Variants in GREB1L observed in about 807,000 individuals in gnomAD.
The protein encoded by GREB1L is GREB1 like retinoic acid receptor coactivator, also known as GREB1-like protein.
A neutral mutation model predicts 200.8 loss-of-function variants in GREB1L; 17 were observed. The observed-to-expected ratio is 0.08, with a 90% CI of 0.06 to 0.13. The LOEUF is 0.13. Among genes scored for constraint, GREB1L ranks in the 10% least tolerant of loss-of-function variants. The probability of loss-of-function intolerance (pLI) is 1.00; values close to 1 mark genes in which losing one functional copy is unlikely to be tolerated. For synonymous variants in GREB1L, 789 were observed against 893.0 expected (o/e 0.88, Z 2.08); for missense variants, 1,657 against 2,367.7 (o/e 0.70, Z 6.23).
chr18:21,517,833 G>A (rs773011721), intron 30 of GREB1L, among the ~76,000 whole-genome samples: 1 of 152,164 alleles, frequency 6.6e-6, no homozygotes, highest in Non-Finnish European at 1.5e-5. Flanking sequence ...CTCGCTGTGT[G>A]TAACTTACAT....
At chr18:21,309,878 TG>T (rs2038763809) in intron 1 of GREB1L, among the ~76,000 whole-genome samples, 2 of 151,808 alleles carry the variant, frequency 1.3e-5, no homozygotes, top group African/African-American at 4.9e-5. Context: ...AAAAACATCC[TG>T]CAATGCACAA....
At chr18:21,410,658 G>T (rs1216497339) in intron 7 of GREB1L, among the ~76,000 whole-genome samples, 3 of 149,230 alleles carry the variant, frequency 2.0e-5, no homozygotes, top group African/African-American at 7.4e-5. Context: ...AAGACAAAGT[G>T]TTGATCATAA....
At chr18:21,302,607 T>TGAC (rs892838679) in intron 1 of GREB1L, among the ~76,000 whole-genome samples, 11 of 152,230 alleles carry the variant, frequency 7.2e-5, no homozygotes, top group Non-Finnish European at 1.3e-4. Context: ...GCGGCTTCCT[T>TGAC]AAAGCCTCAG....
rs1297805122 is a variant in GREB1L, at chr18:21,490,131, T to A, written c.2810T>A (p.Leu937His). ...CGCGACCACAGCACACCAGAAACAC[T>A]CAGCATTATGGATGACCTCATCAGC... ...SLRDHSTPET[L>H]SIMDDLISSP... Residue 937 changes from leucine to histidine, a missense_variant, in exon 19 of 33, where the codon CTC becomes CAC. By Grantham distance (99) the Leu-to-His change is moderately conservative. Around this residue, in one of 9 missense-constraint regions of GREB1L, gnomAD observed 82 missense variants for 95.9 expected, o/e 0.85. Coordinates refer to ENST00000424526, the MANE Select transcript of GREB1L (RefSeq NM_001142966.3). 1.3e-6 allele frequency: 2 copies of A among 1,551,454 alleles called. No individual in the cohort carries two copies. Among genetic ancestry groups the A allele is most frequent in the African/African-American group, 2.7e-5 (2 of 72,880 alleles).
chr18:21,456,423 A>C (rs1383917012), intron 15 of GREB1L, among the ~76,000 whole-genome samples: 1 of 152,240 alleles, frequency 6.6e-6, no homozygotes, highest in African/African-American at 2.4e-5. Flanking sequence ...GCGTGTATCA[A>C]ATTTTCTCAT....
chr18:21,403,743 TC>T, intron 6 of GREB1L, 128 bp from the exon 7 acceptor site: 1 of 665,286 alleles, frequency 1.5e-6, no homozygotes, highest in Non-Finnish European at 2.6e-6. Context: ...GGGAAGGTGA[TC>T]TCTAATTAAA....
intron 1 of GREB1L, among the ~76,000 whole-genome samples, chr18:21,315,673 A>AAAATATT (rs2038856207): frequency 1.3e-5 from 2 of 152,112 alleles, no homozygotes; most frequent in Admixed American, 1.3e-4. Flanking sequence ...GCCTACTAAT[A>AAAATATT]TATGTCTAAA....
chr18:21,354,079 G>A (rs755199365), intron 1 of GREB1L, among the ~76,000 whole-genome samples: 3 of 152,092 alleles, frequency 2.0e-5, no homozygotes, highest in Non-Finnish European at 4.4e-5. Context: ...GTGAGCCACT[G>A]TACCCAGCCT....
chr18:21,439,667 A>C (rs1226506154), intron 8 of GREB1L, 30 bp downstream of exon 8: 5 of 1,334,684 alleles, frequency 3.7e-6, no homozygotes, highest in Non-Finnish European at 5.3e-6. Flanking sequence ...GTTTTGTAAT[A>C]ATGCACTTAC....
chr18:21,251,182 GT>G (rs757123558), intron 1 of GREB1L, among the ~76,000 whole-genome samples: 2 of 152,022 alleles, frequency 1.3e-5, no homozygotes, highest in South Asian at 4.1e-4. Flanking sequence ...GAAAACTGTA[GT>G]TACTTCTTTT....
chr18:21,496,593 G>A lies in GREB1L; in HGVS notation c.3286G>A (p.Gly1096Arg), dbSNP rs374032016. The change falls in exon 21 of 33, where the codon GGG becomes AGG. Residue 1096 changes from glycine to arginine, a missense_variant. By Grantham distance (125) the Gly-to-Arg change is moderately radical. This residue lies in a region of GREB1L where 512 missense variants were observed against 668.3 expected (regional missense o/e 0.77). Coordinates refer to ENST00000424526, the MANE Select transcript of GREB1L (RefSeq NM_001142966.3). ...RGPTVALDLS[G>R]KEQERAAVSE... The stretch of plus-strand genomic sequence containing the variant: ...ACCCACTGTTGCCCTGGACCTCAGC[G>A]GGAAGGAGCAGGAGAGAGCTGCTGT... 216 of 1,551,714 alleles carry A rather than the reference G, an allele frequency of 1.4e-4. 1 individual carries two copies. The highest frequency in any genetic ancestry group is 1.1e-3 in the East Asian group (47 of 40,930).
At chr18:21,498,306 T>G (rs1376013013) in intron 21 of GREB1L, among the ~76,000 whole-genome samples, 1 of 152,134 alleles carries the variant, frequency 6.6e-6, no homozygotes, top group African/African-American at 2.4e-5. Context: ...ATAGTGACCC[T>G]CAGCCTGGAG....
At chr18:21,246,717 A>G (rs1235214978) in intron 1 of GREB1L, among the ~76,000 whole-genome samples, 3 of 152,194 alleles carry the variant, frequency 2.0e-5, no homozygotes, top group African/African-American at 7.2e-5. Flanking sequence ...GGTAATATTT[A>G]TTAGCTATTA....
chr18:21,330,815 C>T (rs534422299), intron 1 of GREB1L, among the ~76,000 whole-genome samples: 24 of 152,098 alleles, frequency 1.6e-4, no homozygotes, highest in African/African-American at 5.5e-4. Context: ...ATAACATATG[C>T]CATCCCAACT....
At chr18:21,307,191 C>G (rs1267659526) in intron 1 of GREB1L, among the ~76,000 whole-genome samples, 1 of 152,194 alleles carries the variant, frequency 6.6e-6, no homozygotes, top group African/African-American at 2.4e-5. Context: ...TTCCCCTGTT[C>G]CAATGGCAAG....
intron 24 of GREB1L, 29 bp from the exon 25 acceptor site, chr18:21,505,780 TG>T: frequency 6.5e-7 from 1 of 1,542,436 alleles, no homozygotes; most frequent in Non-Finnish European, 8.8e-7. Context: ...TGTTATCTCA[TG>T]GGATGGCTTT....
At chr18:21,506,259 G>A (rs2037015044) in intron 25 of GREB1L, among the ~76,000 whole-genome samples, 1 of 152,100 alleles carries the variant, frequency 6.6e-6, no homozygotes, top group African/African-American at 2.4e-5. Flanking sequence ...GCCGGGTGTG[G>A]TGGCACATGC....
rs1256581305 is a variant in GREB1L, at chr18:21,439,473, G to T, written c.833-48G>T. ...TGGTTCCAGCATCCCAGAAAGCAGT[G>T]CCCCGCCCAGCCTCTGTTCTGAGCA... On this transcript the variant is annotated intron_variant, in intron 7 of 32. Coordinates refer to ENST00000424526, the MANE Select transcript of GREB1L (RefSeq NM_001142966.3). The T allele has an allele frequency of 3.5e-6, 4 of 1,138,230 alleles. No homozygotes were observed. In the East Asian group the frequency reaches 1.0e-4, roughly 29 times the overall value. The allele number at this position is 1,138,230 out of a possible 1,614,324, so 70.5% of individuals were successfully genotyped here. A position where few individuals can be genotyped will look rare whatever the true frequency, so the allele number is the denominator to read the frequency against.
intron 2 of GREB1L, among the ~76,000 whole-genome samples, chr18:21,381,909 G>A (rs1234205376): frequency 6.6e-6 from 1 of 152,204 alleles, no homozygotes; most frequent in African/African-American, 2.4e-5. Context: ...ACAAGATCGA[G>A]AGTAAAAGTC....
Sources: gnomAD v4.1 joint callset for allele counts (sites outside exome capture counted in the v4.1 genomes callset) on GRCh38, gnomAD v4.1.1 for gene constraint, gnomAD v4.1.1 regional missense constraint, MANE v1.5 for transcripts, NCBI Gene and HGNC (gene_info 2026-07-23, HGNC 2026-07-21) for gene names.